R3HCC1L: variants seen among roughly 807,000 people sequenced by gnomAD.
R3HCC1L encodes the protein R3H domain and coiled-coil containing 1 like.
Under a neutral mutation model 59.9 loss-of-function variants are expected in R3HCC1L, and 51 were observed. That is an observed-to-expected ratio of 0.85 (90% CI 0.68 to 1.07). R3HCC1L has a LOEUF of 1.07. Ranked by LOEUF, R3HCC1L falls within the 50% of genes least tolerant of loss-of-function variation. The pLI is 0.00. For synonymous variants in R3HCC1L, 322 were observed against 315.2 expected, an observed-to-expected ratio of 1.02 and a Z score of -0.23; for missense variants, 965 against 933.0, an observed-to-expected ratio of 1.03 and a Z score of -0.45.
intron 5 of R3HCC1L, among the ~76,000 whole-genome samples, chr10:98,225,470 C>A (rs1433167865): frequency 1.3e-5 from 2 of 152,038 alleles, no homozygotes; most frequent in African/African-American, 4.8e-5. Flanking sequence ...GATATCCTAT[C>A]TCCACAAAAA....
intron 1 of R3HCC1L, among the ~76,000 whole-genome samples, chr10:98,148,276 A>G (rs1845846694): frequency 6.6e-6 from 1 of 152,072 alleles, no homozygotes. Flanking sequence ...ATCAGTTCTA[A>G]GAATTTTTTG....
chr10:98,188,190 T>C (rs1850437238), intron 4 of R3HCC1L, among the ~76,000 whole-genome samples: 3 of 152,202 alleles, frequency 2.0e-5, no homozygotes, highest in Admixed American at 2.0e-4. Flanking sequence ...AAACATCTTA[T>C]TGAATGCTGT....
At position 98,236,060 on chromosome 10, in the gene R3HCC1L, C is replaced by A. The variant is rs760650088; in HGVS notation, c.2165C>A (p.Ser722Ter). 2 of 1,613,968 alleles carry A rather than the reference C, an allele frequency of 1.2e-6. No individual in the cohort carries two copies. Among genetic ancestry groups the A allele is most frequent in the South Asian group, 2.2e-5 (2 of 91,078 alleles). ...CCAGCAAAGGAGCGTCCTGAGACTT[C>A]AGCAGCCCTAGCCAGAAGGTTAGTC... ...LQPAKERPET[S>*]AALARRLVIS... The change falls in exon 9 of 10, where the codon TCA becomes TAA. Residue 722 changes from serine (S) to a stop codon, truncating the protein, a stop_gained. Coordinates refer to ENST00000298999, the MANE Select transcript of R3HCC1L (RefSeq NM_001351015.2). LOFTEE classifies it high-confidence loss of function.
intron 4 of R3HCC1L, chr10:98,174,600 A>C (rs771744215): frequency 9.1e-6 from 9 of 984,722 alleles, no homozygotes; most frequent in East Asian, 1.1e-4. Context: ...TTTAAACACA[A>C]CTCATTTAGG....
At chr10:98,203,459 C>G (rs1852264905) in intron 4 of R3HCC1L, among the ~76,000 whole-genome samples, 1 of 152,164 alleles carries the variant, frequency 6.6e-6, no homozygotes, top group Non-Finnish European at 1.5e-5. Context: ...ATGGTGCATT[C>G]TGATGAACTA....
At chr10:98,208,058 A>G in intron 4 of R3HCC1L, 43 bp from the exon 5 acceptor site, 1 of 1,516,106 alleles carries the variant, frequency 6.6e-7, no homozygotes, top group Non-Finnish European at 8.8e-7. Flanking sequence ...GGTTCAATAC[A>G]TTGTAATTAG....
At chr10:98,174,671 C>T in intron 4 of R3HCC1L, 1 of 984,854 alleles carries the variant, frequency 1.0e-6, no homozygotes, top group Non-Finnish European at 1.2e-6. Flanking sequence ...ACAATGAGGC[C>T]ATCCTGCCCA....
At chr10:98,176,202 G>A (rs1797216680) in intron 4 of R3HCC1L, among the ~76,000 whole-genome samples, 1 of 152,134 alleles carries the variant, frequency 6.6e-6, no homozygotes, top group African/African-American at 2.4e-5. Context: ...TTGAAATCAG[G>A]TAGTGTGAGT....
At chr10:98,160,572 T>C (rs1847316722) in intron 2 of R3HCC1L, among the ~76,000 whole-genome samples, 1 of 152,250 alleles carries the variant, frequency 6.6e-6, no homozygotes, top group Admixed American at 6.5e-5. Flanking sequence ...TTAATTTTCC[T>C]TCTCTAACAT....
chr10:98,240,274 C>T (rs1281584536), intron 9 of R3HCC1L, among the ~76,000 whole-genome samples: 1 of 152,074 alleles, frequency 6.6e-6, no homozygotes, highest in Non-Finnish European at 1.5e-5. Flanking sequence ...CCACCATACT[C>T]CAGCCTGGGC....
chr10:98,206,865 A>G (rs1411644636), intron 4 of R3HCC1L, among the ~76,000 whole-genome samples: 3 of 152,240 alleles, frequency 2.0e-5, no homozygotes, highest in Non-Finnish European at 4.4e-5. Flanking sequence ...AATGGAAGAT[A>G]TAAAATACAT....
intron 4 of R3HCC1L, among the ~76,000 whole-genome samples, chr10:98,176,507 G>T (rs1033592756): frequency 8.5e-5 from 13 of 152,094 alleles, no homozygotes; most frequent in African/African-American, 3.1e-4. Context: ...TGATGTAAAT[G>T]ATACTCTTCG....
chr10:98,165,576 T>A (rs533241054), intron 4 of R3HCC1L, among the ~76,000 whole-genome samples: 26 of 152,358 alleles, frequency 1.7e-4, no homozygotes, highest in African/African-American at 6.3e-4. Context: ...TAGCAAGCAT[T>A]GTCAGACATC....
intron 5 of R3HCC1L, among the ~76,000 whole-genome samples, chr10:98,223,607 G>A (rs1855316143): frequency 6.6e-6 from 1 of 151,972 alleles, no homozygotes; most frequent in Non-Finnish European, 1.5e-5. Context: ...GGTGGGTAAA[G>A]TAGCATAGTT....
chr10:98,145,346 C>T (rs1293199195), intron 1 of R3HCC1L, among the ~76,000 whole-genome samples: 4 of 152,116 alleles, frequency 2.6e-5, no homozygotes, highest in Non-Finnish European at 4.4e-5. Context: ...GGTTAGAAAT[C>T]GGAGTCAGAA....
intron 1 of R3HCC1L, among the ~76,000 whole-genome samples, chr10:98,136,837 G>A (rs1844633883): frequency 6.6e-6 from 1 of 152,174 alleles, no homozygotes; most frequent in East Asian, 1.9e-4. Context: ...ACTCTGTTGG[G>A]CATAACACTA....
chr10:98,163,795 A>G (rs1239415341), intron 4 of R3HCC1L, among the ~76,000 whole-genome samples: 2 of 152,354 alleles, frequency 1.3e-5, no homozygotes, highest in Non-Finnish European at 2.9e-5. Flanking sequence ...TGATTAACTG[A>G]TTCAGGAAGA....
At chr10:98,222,702 A>G in intron 5 of R3HCC1L, among the ~76,000 whole-genome samples, 1 of 152,206 alleles carries the variant, frequency 6.6e-6, no homozygotes, top group East Asian at 1.9e-4. Context: ...GCATATATTG[A>G]ACCAGCCTTG....
intron 4 of R3HCC1L, among the ~76,000 whole-genome samples, chr10:98,164,581 TA>T: frequency 6.6e-6 from 1 of 152,194 alleles, no homozygotes; most frequent in East Asian, 1.9e-4. Context: ...TTTTTTTTTT[TA>T]AGAAGAAACT....
Sources: allele counts gnomAD v4.1 joint callset (sites outside exome capture counted in the v4.1 genomes callset), GRCh38; gene constraint gnomAD v4.1.1; transcripts MANE v1.5; gene names NCBI Gene and HGNC (gene_info 2026-07-23, HGNC 2026-07-21).